The following SETD5 variants were observed in gnomAD, a reference collection of about 807,000 sequenced individuals.
The protein encoded by SETD5 is histone-lysine N-methyltransferase SETD5.
A neutral mutation model predicts 153.3 loss-of-function variants in SETD5; 44 were observed. That is an observed-to-expected ratio of 0.29 (90% CI 0.23 to 0.37). SETD5 has a LOEUF of 0.37. Ranked by LOEUF, SETD5 falls within the 10% of genes least tolerant of loss-of-function variation. SETD5 has a pLI of 1.00. For missense variants in SETD5, 1,544 were observed against 1,768.0 expected (o/e 0.87, Z 2.27); for synonymous variants, 716 against 645.2 (o/e 1.11, Z -1.66).
intron 1 of SETD5, among the ~76,000 whole-genome samples, chr3:9,403,813 T>C (rs2125437280): frequency 6.6e-6 from 1 of 152,352 alleles, no homozygotes; most frequent in African/African-American, 2.4e-5. Context: ...CATAATGAAA[T>C]ATTTTGAAAT....
intron 7 of SETD5, among the ~76,000 whole-genome samples, chr3:9,439,118 C>T (rs1338630227): frequency 6.6e-6 from 1 of 152,192 alleles, no homozygotes; most frequent in Non-Finnish European, 1.5e-5. Flanking sequence ...CACTGCCAGT[C>T]CCCCTAGTCT....
chr3:9,434,367 C>CCGT lies in SETD5; in HGVS notation c.214_216dup (p.Ser72dup). On this transcript the variant is annotated inframe_insertion, in exon 5 of 23. Transcript: ENST00000402198. The surrounding 1 kb of genome is among the most constrained non-coding windows in gnomAD (Gnocchi z 5.6). ...CCCTCGTTCTGACCTGAATGGCCTG[C>CCGT]CGTCGCCTGTAGAGGAACGCTGTGG... The CCGT allele has an allele frequency of 1.2e-6, 2 of 1,613,880 alleles. No homozygotes were observed. The highest frequency in any genetic ancestry group is 1.7e-6 in the Non-Finnish European group (2 of 1,179,824).
intron 17 of SETD5, among the ~76,000 whole-genome samples, chr3:9,458,975 T>G (rs1388118543): frequency 2.0e-5 from 3 of 152,146 alleles, no homozygotes; most frequent in African/African-American, 7.2e-5. Flanking sequence ...AATCAACACA[T>G]TTTTGCCACT....
At chr3:9,444,893 A>T (rs559045252) in intron 11 of SETD5, among the ~76,000 whole-genome samples, 155 bp from the exon 12 acceptor site, 46 of 152,316 alleles carry the variant, frequency 3.0e-4, no homozygotes, top group African/African-American at 1.1e-3. Context: ...AAGAAAAACA[A>T]AAGTATTTAT....
chr3:9,475,161 G>A lies in SETD5; in HGVS notation c.3720+5G>A, dbSNP rs768233181. 6.3e-7 allele frequency: 1 copy of A among 1,574,808 alleles called. No homozygotes were observed. ...CCTTCCAGATACAGCTACCAGGTGA[G>A]ATGAGAAATTGCTGGTCTCTAGCCA... is the stretch of plus-strand genomic sequence containing the variant. On this transcript the variant is annotated splice_donor_5th_base_variant and intron_variant, in intron 22 of 22. Coordinates refer to ENST00000402198, the MANE Select transcript of SETD5 (RefSeq NM_001080517.3).
At chr3:9,441,103 C>T (rs1382258863) in intron 8 of SETD5, among the ~76,000 whole-genome samples, 1 of 152,014 alleles carries the variant, frequency 6.6e-6, no homozygotes, top group Non-Finnish European at 1.5e-5. Flanking sequence ...GTCCCAGCTA[C>T]TGGGGAGGCT....
chr3:9,462,943 T>G (rs1348792103), intron 17 of SETD5, among the ~76,000 whole-genome samples: 1 of 152,166 alleles, frequency 6.6e-6, no homozygotes, highest in African/African-American at 2.4e-5. Context: ...GCTTTTTTTT[T>G]TTTTTAACTA....
intron 1 of SETD5, among the ~76,000 whole-genome samples, chr3:9,411,288 A>G (rs1303586296): frequency 2.0e-5 from 3 of 152,182 alleles, no homozygotes; most frequent in Non-Finnish European, 4.4e-5. Flanking sequence ...AATGTATGTT[A>G]TTTAGAAAGG....
chr3:9,420,128 CTG>C (rs2038152426), intron 1 of SETD5, among the ~76,000 whole-genome samples: 1 of 152,036 alleles, frequency 6.6e-6, no homozygotes, highest in Non-Finnish European at 1.5e-5. Context: ...TACAAAGAGT[CTG>C]TGTATTGTTG....
Position 9,460,906 on chromosome 3 carries a change from T to C in SETD5, c.2477-3519T>C, listed in dbSNP as rs1055125517. On this transcript the variant is annotated intron_variant, in intron 17 of 22. Transcript: ENST00000402198. ...CAAAAGGAAAATAGGCTGGCATTTT[T>C]ACAGTGTCAGGGTGGGTTAGCAAAG... is the stretch of plus-strand genomic sequence containing the variant. Among the ~76,000 whole-genome samples the C allele has an allele frequency of 2.6e-5, 4 of 152,312 alleles. No individual in the cohort carries two copies. In the South Asian group the frequency reaches 8.3e-4, roughly 32 times the overall value.
intron 1 of SETD5, among the ~76,000 whole-genome samples, chr3:9,403,789 C>T (rs1357574121): frequency 6.6e-6 from 1 of 152,158 alleles, no homozygotes; most frequent in African/African-American, 2.4e-5. Flanking sequence ...TTATCTGGTC[C>T]TTTAAACCAA....
At chr3:9,438,553 T>G (rs937061417) in intron 7 of SETD5, among the ~76,000 whole-genome samples, 2 of 152,206 alleles carry the variant, frequency 1.3e-5, no homozygotes, top group African/African-American at 4.8e-5. Flanking sequence ...TCATTTTGAT[T>G]CTTTTAATTC....
intron 10 of SETD5, 192 bp from the exon 11 acceptor site, chr3:9,443,113 GTAT>G: frequency 2.1e-6 from 1 of 482,698 alleles, no homozygotes; most frequent in East Asian, 3.8e-5. Flanking sequence ...ATTTAAGAAA[GTAT>G]TATAAATTTT....
intron 20 of SETD5, 67 bp from the exon 21 acceptor site, chr3:9,474,382 C>A: frequency 1.6e-5 from 25 of 1,562,456 alleles, no homozygotes; most frequent in Non-Finnish European, 2.2e-5. Flanking sequence ...ACACTGTGCA[C>A]TGGTTAGGGC....
intron 3 of SETD5, chr3:9,431,739 A>G: frequency 1.0e-6 from 1 of 985,352 alleles, no homozygotes; most frequent in Non-Finnish European, 1.2e-6. Flanking sequence ...GTTCATATTT[A>G]CCCGTTTGGA....
intron 1 of SETD5, among the ~76,000 whole-genome samples, chr3:9,407,099 G>A (rs541104254): frequency 2.0e-5 from 3 of 152,316 alleles, no homozygotes; most frequent in South Asian, 4.1e-4. Context: ...AGGCCAAGGC[G>A]GGTGGATCAC....
At chr3:9,422,242 T>C (rs1028629145) in intron 1 of SETD5, among the ~76,000 whole-genome samples, 4 of 152,148 alleles carry the variant, frequency 2.6e-5, no homozygotes, top group African/African-American at 9.7e-5. Flanking sequence ...GTAATATTGT[T>C]GCCCTGCAAA....
rs769292228 is a variant in SETD5, at chr3:9,445,088, A to C, written c.1228A>C (p.Asn410His). ...VDCACHKGNR[N>H]CPIQKRNPNA... ...CTGTGCCTGTCACAAGGGAAACCGG[A>C]ATTGTCCTATACAAAAAAGGAATCC... The change falls in exon 12 of 23, where the codon AAT becomes CAT. Residue 410 changes from asparagine (N) to histidine (H), a missense_variant. Coordinates refer to ENST00000402198, the MANE Select transcript of SETD5 (RefSeq NM_001080517.3). 1 of 1,613,936 alleles carries C rather than the reference A, an allele frequency of 6.2e-7. No homozygotes were observed. The highest frequency in any genetic ancestry group is 1.1e-5 in the South Asian group (1 of 91,074).
Position 9,464,889 on chromosome 3 carries a change from A to G in SETD5, c.2724+217A>G, listed in dbSNP as rs140611113. On this transcript the variant is annotated intron_variant, in intron 18 of 22. Transcript: ENST00000402198. ...CCAAAATAGGCATACTGCTACCACA[A>G]ATCCCATTCATGTATCTTTTGCATG... The G allele has an allele frequency of 2.5e-4, 151 of 602,120 alleles. No individual in the cohort carries two copies. In the East Asian group the frequency reaches 4.4e-3, roughly 17 times the overall value. 37.3% of individuals were successfully genotyped at this position (602,120 alleles called of 1,614,324 possible).
Sources: allele counts gnomAD v4.1 joint callset (sites outside exome capture counted in the v4.1 genomes callset), GRCh38; gene constraint gnomAD v4.1.1; non-coding constraint Gnocchi (gnomAD v3.1); transcripts MANE v1.5; gene names NCBI Gene and HGNC (gene_info 2026-07-23, HGNC 2026-07-21).